LYPD6: variants seen among roughly 807,000 people sequenced by gnomAD.
The protein encoded by LYPD6 is ly6/PLAUR domain-containing protein 6.
Under a neutral mutation model 22.7 loss-of-function variants are expected in LYPD6, and 15 were observed. The ratio of observed to expected loss-of-function variants is 0.66; its 90% CI spans 0.44 to 1.02. The LOEUF (loss-of-function observed/expected upper bound fraction) is 1.02. Ranked by LOEUF, LYPD6 falls within the 50% of genes least tolerant of loss-of-function variation. The pLI is 0.00. For missense variants in LYPD6, 189 were observed against 208.4 expected (o/e 0.91, Z 0.57); for synonymous variants, 72 against 77.5 (o/e 0.93, Z 0.37).
At chr2:149,339,222 T>G (rs548250775) in intron 1 of LYPD6, among the ~76,000 whole-genome samples, 2 of 152,268 alleles carry the variant, frequency 1.3e-5, no homozygotes, top group South Asian at 4.1e-4. Context: ...CAGAAGGCCA[T>G]AGGGCAGGAA....
At chr2:149,399,347 A>T (rs929887421) in intron 1 of LYPD6, among the ~76,000 whole-genome samples, 1 of 152,246 alleles carries the variant, frequency 6.6e-6, no homozygotes, top group Non-Finnish European at 1.5e-5. Context: ...GCTTAAAGTT[A>T]TAATTGTTCA....
At chr2:149,341,225 C>T (rs1400554325) in intron 1 of LYPD6, among the ~76,000 whole-genome samples, 1 of 152,018 alleles carries the variant, frequency 6.6e-6, no homozygotes, top group Non-Finnish European at 1.5e-5. Flanking sequence ...GCAGTTGTGC[C>T]TTTTTCTCAG....
intron 4 of LYPD6, among the ~76,000 whole-genome samples, chr2:149,470,344 C>T (rs546314419): frequency 1.3e-5 from 2 of 152,152 alleles, no homozygotes; most frequent in Non-Finnish European, 2.9e-5. Context: ...GAAAGAGCCT[C>T]ATGGAAAAAC....
At chr2:149,454,230 C>T (rs1680901647) in intron 3 of LYPD6, among the ~76,000 whole-genome samples, 1 of 152,136 alleles carries the variant, frequency 6.6e-6, no homozygotes, top group South Asian at 2.1e-4. Context: ...TGAATGTTTA[C>T]AAAGTGAACA....
chr2:149,367,393 C>T (rs1681699761), intron 1 of LYPD6, among the ~76,000 whole-genome samples: 1 of 152,136 alleles, frequency 6.6e-6, no homozygotes, highest in South Asian at 2.1e-4. Flanking sequence ...TGGAACTTGC[C>T]TCCTCAAAGC....
At chr2:149,369,394 C>A (rs983856892) in intron 1 of LYPD6, among the ~76,000 whole-genome samples, 3 of 152,172 alleles carry the variant, frequency 2.0e-5, no homozygotes, top group Non-Finnish European at 2.9e-5. Context: ...CTCCATTGCT[C>A]TGTGTGGGTG....
chr2:149,417,288 C>T (rs1245058548), intron 1 of LYPD6, among the ~76,000 whole-genome samples: 1 of 152,196 alleles, frequency 6.6e-6, no homozygotes, highest in Admixed American at 6.5e-5. Flanking sequence ...GCCATAAGCT[C>T]TATACTGCCT....
At chr2:149,468,315 T>C (rs1389873178) in intron 3 of LYPD6, among the ~76,000 whole-genome samples, 2 of 152,130 alleles carry the variant, frequency 1.3e-5, no homozygotes, top group Non-Finnish European at 2.9e-5. Flanking sequence ...TTATACCTCT[T>C]AAATCATCCC....
chr2:149,478,553 A>G (rs529456025), downstream of LYPD6, among the ~76,000 whole-genome samples: 44 of 152,012 alleles, frequency 2.9e-4, no homozygotes, highest in Non-Finnish European at 4.9e-4. Flanking sequence ...CCTCCTAAGT[A>G]GCTAGGACTA....
intron 1 of LYPD6, among the ~76,000 whole-genome samples, chr2:149,338,403 A>G (rs938849183): frequency 5.9e-5 from 9 of 152,220 alleles, no homozygotes; most frequent in African/African-American, 2.2e-4. Flanking sequence ...ACAATTGAAT[A>G]TTACTGTGGT....
chr2:149,358,321 C>T (rs920755966), intron 1 of LYPD6, among the ~76,000 whole-genome samples: 11 of 152,020 alleles, frequency 7.2e-5, no homozygotes, highest in Non-Finnish European at 1.5e-4. Flanking sequence ...ATACTAGGGA[C>T]GTATAGACAA....
chr2:149,402,736 TATTATA>T (rs1483281460), intron 1 of LYPD6, among the ~76,000 whole-genome samples: 3 of 152,108 alleles, frequency 2.0e-5, no homozygotes, highest in Non-Finnish European at 4.4e-5. Flanking sequence ...TTTTTTATTT[TATTATA>T]ATTATACTTT....
intron 2 of LYPD6, among the ~76,000 whole-genome samples, chr2:149,446,220 A>G (rs1683684015): frequency 6.6e-6 from 1 of 152,184 alleles, no homozygotes; most frequent in African/African-American, 2.4e-5. Flanking sequence ...TATTTCAGAG[A>G]TTACTGATCA....
intron 1 of LYPD6, among the ~76,000 whole-genome samples, chr2:149,382,384 T>C (rs1382855153): frequency 1.3e-5 from 2 of 152,180 alleles, no homozygotes; most frequent in African/African-American, 4.8e-5. Flanking sequence ...TTAGAATTTT[T>C]AGGTGGAAAT....
At chr2:149,406,285 T>TG (rs1682706060) in intron 1 of LYPD6, among the ~76,000 whole-genome samples, 1 of 150,874 alleles carries the variant, frequency 6.6e-6, no homozygotes, top group South Asian at 2.1e-4. Context: ...TTCCTGGGTA[T>TG]CTTGTTAACT....
intron 1 of LYPD6, among the ~76,000 whole-genome samples, chr2:149,430,382 G>A (rs1292982703): frequency 1.3e-5 from 2 of 152,180 alleles, no homozygotes; most frequent in Non-Finnish European, 2.9e-5. Context: ...TTACAGGCGT[G>A]AGCTGCTGCA....
intron 1 of LYPD6, among the ~76,000 whole-genome samples, chr2:149,355,471 C>A (rs1271182250): frequency 1.3e-5 from 2 of 152,184 alleles, no homozygotes; most frequent in Admixed American, 6.5e-5. Flanking sequence ...TTGAGGACTT[C>A]AAAATTGTTT....
chr2:149,430,942 C>T (rs1269711024), intron 1 of LYPD6, among the ~76,000 whole-genome samples: 1 of 152,168 alleles, frequency 6.6e-6, no homozygotes, highest in Non-Finnish European at 1.5e-5. Context: ...TAGTACCATC[C>T]ACACAGTGAA....
chr2:149,330,511 C>A (rs3731836), upstream of LYPD6: 59,207 of 148,682 alleles, frequency 0.4, 12,559 homozygotes, highest in Middle Eastern at 0.5. Flanking sequence ...CGGCTGCGGG[C>A]GGCGGCCAGT....
Sources: allele counts gnomAD v4.1 joint callset (sites outside exome capture counted in the v4.1 genomes callset), GRCh38; gene constraint gnomAD v4.1.1; transcripts MANE v1.5; gene names NCBI Gene and HGNC (gene_info 2026-07-23, HGNC 2026-07-21).